NKD1: variants seen among roughly 807,000 people sequenced by gnomAD.
NKD1 encodes the protein protein naked cuticle homolog 1.
Under a neutral mutation model 56.0 loss-of-function variants are expected in NKD1, and 21 were observed. That is an observed-to-expected ratio of 0.38 (90% confidence interval 0.27 to 0.54). NKD1 has a LOEUF of 0.54. Among genes scored for constraint, NKD1 ranks in the 20% least tolerant of loss-of-function variants. The pLI is 0.82. For synonymous variants in NKD1, 263 were observed against 265.7 expected, an observed-to-expected ratio of 0.99 and a Z score of 0.10; for missense variants, 578 against 642.7, an observed-to-expected ratio of 0.90 and a Z score of 1.09.
chr16:50,566,147 C>A, intron 3 of NKD1: 1 of 985,314 alleles, frequency 1.0e-6, no homozygotes, highest in African/African-American at 1.7e-5. Context: ...TAGGTGTGAA[C>A]TTTCTCTGTG....
intron 7 of NKD1, 88 bp from the exon 8 acceptor site, chr16:50,630,738 G>C: frequency 2.5e-6 from 3 of 1,190,134 alleles, no homozygotes; most frequent in Non-Finnish European, 3.5e-6. Flanking sequence ...CAGTGGCCTT[G>C]CAAAGCAGCT....
In NKD1 at chr16:50,637,608, G is replaced by A. The variant is rs1962495608; in HGVS notation, c.*3827G>A. ...TTATACTGAATAATGAGGAATCAAA[G>A]GAAGAAGAAGAAAGAGAGAGGAAGG... On this transcript the variant is annotated 3_prime_UTR_variant, in exon 10 of 10. Coordinates refer to ENST00000268459, the MANE Select transcript of NKD1 (RefSeq NM_033119.5). The A allele has an allele frequency of 6.6e-6, 1 of 152,100 alleles. No homozygotes were observed. The highest frequency in any genetic ancestry group is 6.6e-5 in the Admixed American group (1 of 15,250). The allele number at this position is 152,100 out of a possible 1,614,324, so 9.4% of individuals were successfully genotyped here.
intron 7 of NKD1, 96 bp from the exon 8 acceptor site, chr16:50,630,730 G>T: frequency 9.4e-7 from 1 of 1,061,134 alleles, no homozygotes. Flanking sequence ...CCCTCCCACA[G>T]TGGCCTTGCA....
At position 50,642,998 on chromosome 16, in the gene NKD1, G is replaced by A. The variant is rs2151283825; in HGVS notation, c.*9217G>A. The A allele has an allele frequency of 6.6e-6, 1 of 152,316 alleles. No homozygotes were observed. Among genetic ancestry groups the A allele is most frequent in the Non-Finnish European group, 1.5e-5 (1 of 68,056 alleles). 9.4% of individuals were successfully genotyped at this position (152,316 alleles called of 1,614,324 possible). ...GCCCTTGGCTTGAAGCTAGACTATG[G>A]GGGTGGCAGCTCTAAGTCCTACAAA... is the stretch of plus-strand genomic sequence containing the variant. On this transcript the variant is annotated 3_prime_UTR_variant, in exon 10 of 10. Transcript: ENST00000268459.
intron 3 of NKD1, chr16:50,558,177 A>C (rs1354345787): frequency 4.6e-5 from 7 of 152,248 alleles, no homozygotes; most frequent in Admixed American, 6.5e-5. Flanking sequence ...TAACCAATTA[A>C]AATTTTTAGA....
rs1962312016 is a variant in NKD1, at chr16:50,630,227, C to T, written c.504C>T (p.Asp168=). ...TGCACACCATCTATGAGGTGGTGGA[C>T]TCCTCTGTCAACCACTCCCCAACAT... ...SLLHTIYEVV[D]SSVNHSPTSS... The change falls in exon 7 of 10, where the codon GAC becomes GAT. Residue 168 remains aspartate, a synonymous_variant. Coordinates refer to ENST00000268459, the MANE Select transcript of NKD1 (RefSeq NM_033119.5). The T allele has an allele frequency of 1.9e-6, 3 of 1,614,126 alleles. No individual in the cohort carries two copies. Among genetic ancestry groups the T allele is most frequent in the Non-Finnish European group, 2.5e-6 (3 of 1,179,994 alleles).
intron 3 of NKD1, chr16:50,555,727 C>T (rs1389906076): frequency 6.6e-6 from 1 of 152,150 alleles, no homozygotes; most frequent in East Asian, 1.9e-4. Context: ...GATGTGCAGC[C>T]CCCCGGTACT....
chr16:50,641,557 G>A lies in NKD1; in HGVS notation c.*7776G>A, dbSNP rs1962579839. On this transcript the variant is annotated 3_prime_UTR_variant, in exon 10 of 10. Coordinates refer to ENST00000268459, the MANE Select transcript of NKD1 (RefSeq NM_033119.5). ...TTACCCCAGGCTCCTGTTCCCACATGGCTGCAATCCGCCCGCCTCTTCCAA... is the reference window on the plus strand; with the variant it reads ...TTACCCCAGGCTCCTGTTCCCACATAGCTGCAATCCGCCCGCCTCTTCCAA... 6.6e-6 allele frequency: 1 copy of A among 152,220 alleles called. No homozygotes were observed. The highest frequency in any genetic ancestry group is 2.1e-4 in the South Asian group (1 of 4,832). 9.4% of individuals were successfully genotyped at this position (152,220 alleles called of 1,614,324 possible).
At chr16:50,587,260 C>T (rs1961249786) in intron 3 of NKD1, among the ~76,000 whole-genome samples, 1 of 152,190 alleles carries the variant, frequency 6.6e-6, no homozygotes, top group African/African-American at 2.4e-5. Context: ...GCCTGAGACT[C>T]TGCATTTCTG....
intron 4 of NKD1, chr16:50,616,250 C>T (rs1961957864): frequency 2.9e-6 from 1 of 341,164 alleles, no homozygotes; most frequent in East Asian, 7.9e-5. Context: ...GGTAACTAGG[C>T]TAAGAGAGGG....
rs1000721393 is a variant in NKD1, at chr16:50,636,564, T to G, written c.*2783T>G. On this transcript the variant is annotated 3_prime_UTR_variant, in exon 10 of 10. Transcript: ENST00000268459. ...GTGAGCACAGACTTTGGTGCCAGTT[T>G]GCTAGGTTCGAATCCTGACTCCCTC... The G allele has an allele frequency of 8.5e-5, 13 of 152,194 alleles. No individual in the cohort carries two copies. Among genetic ancestry groups the G allele is most frequent in the African/African-American group, 3.1e-4 (13 of 41,450 alleles). 9.4% of individuals were successfully genotyped at this position (152,194 alleles called of 1,614,324 possible).
chr16:50,618,249 C>G (rs1489839020), intron 4 of NKD1, among the ~76,000 whole-genome samples: 1 of 152,148 alleles, frequency 6.6e-6, no homozygotes. Flanking sequence ...TCAGCACCCC[C>G]TGAAATTAGG....
chr16:50,572,992 A>G (rs1417406539), intron 3 of NKD1: 10 of 442,870 alleles, frequency 2.3e-5, no homozygotes, highest in Non-Finnish European at 2.7e-5. Context: ...GTGCAAATGT[A>G]GGCAACTTTC....
intron 3 of NKD1, among the ~76,000 whole-genome samples, chr16:50,592,945 A>C (rs1250198771): frequency 1.3e-5 from 2 of 152,168 alleles, no homozygotes; most frequent in Non-Finnish European, 2.9e-5. Context: ...TTGTCTCTCT[A>C]AAGTGTCCTG....
In NKD1 at chr16:50,645,880, CCT is replaced by C. The variant is rs1962668641; in HGVS notation, c.*12106_*12107del. On this transcript the variant is annotated 3_prime_UTR_variant, in exon 10 of 10. Transcript: ENST00000268459. ...CTGGGAGAGAAAGAGGCCCCAATTT[CCT>C]CTCTCTGGTAGTTGCTGAATTGGCT... 2 of 152,248 alleles carry C rather than the reference CCT, an allele frequency of 1.3e-5. No homozygotes were observed. Among genetic ancestry groups the C allele is most frequent in the African/African-American group, 4.8e-5 (2 of 41,532 alleles). 9.4% of individuals were successfully genotyped at this position (152,248 alleles called of 1,614,324 possible).
intron 4 of NKD1, among the ~76,000 whole-genome samples, chr16:50,614,478 C>A (rs1961918442): frequency 6.6e-6 from 1 of 152,206 alleles, no homozygotes; most frequent in Non-Finnish European, 1.5e-5. Context: ...GGTGGCTTCT[C>A]CCCCACAGGG....
At chr16:50,559,308 A>G (rs1182967907) in intron 3 of NKD1, among the ~76,000 whole-genome samples, 1 of 152,220 alleles carries the variant, frequency 6.6e-6, no homozygotes, top group Non-Finnish European at 1.5e-5. Flanking sequence ...CAGTGAAGGA[A>G]AAGGATGGGG....
chr16:50,549,820 T>C (rs746932962), intron 3 of NKD1, among the ~76,000 whole-genome samples: 45 of 152,202 alleles, frequency 3.0e-4, no homozygotes, highest in Admixed American at 1.0e-3. Context: ...TGGGGAATCG[T>C]GTCTGTACCG....
chr16:50,549,578 C>T (rs761523385), intron 3 of NKD1, 23 bp downstream of exon 3: 17 of 1,547,610 alleles, frequency 1.1e-5, no homozygotes, highest in Non-Finnish European at 1.5e-5. Flanking sequence ...ACCCCTGCCC[C>T]ACCTCCTGGC....
Sources: allele counts gnomAD v4.1 joint callset (sites outside exome capture counted in the v4.1 genomes callset), GRCh38; gene constraint gnomAD v4.1.1; transcripts MANE v1.5; gene names NCBI Gene and HGNC (gene_info 2026-07-23, HGNC 2026-07-21).